The following SERPINB12 variants were observed in gnomAD, a reference collection of about 807,000 sequenced individuals.
SERPINB12 encodes the protein serpin B12.
SERPINB12 carries 57 observed loss-of-function variants against 41.1 expected under a neutral mutation model. The ratio of observed to expected loss-of-function variants is 1.39; its 90% CI spans 1.12 to 1.73. The LOEUF (loss-of-function observed/expected upper bound fraction) is 1.73, where lower values mean the gene tolerates loss of function less well. Among genes scored for constraint, SERPINB12 ranks in the 40% most tolerant of loss-of-function variants. The probability of loss-of-function intolerance (pLI) is 0.00; values close to 1 mark genes in which losing one functional copy is unlikely to be tolerated. For missense variants in SERPINB12, 536 were observed against 501.9 expected, an observed-to-expected ratio of 1.07 and a Z score of -0.65; for synonymous variants, 180 against 181.3, an observed-to-expected ratio of 0.99 and a Z score of 0.06.
rs769523819 is a variant in SERPINB12, at chr18:63,568,839, C to T, written c.*1828C>T. On this transcript the variant is annotated 3_prime_UTR_variant, in exon 8 of 8. Coordinates refer to ENST00000382768, the MANE Select transcript of SERPINB12 (RefSeq NM_001307928.2). ...TGCTCTGAGAGACAAGTTCCATGTT[C>T]TCCATACAACCTTCTCATTGTTGAA... 4.6e-5 allele frequency among the ~76,000 whole-genome samples: 7 copies of T among 152,222 alleles called. No individual in the cohort carries two copies. Among genetic ancestry groups the T allele is most frequent in the Non-Finnish European group, 1.0e-4 (7 of 68,040 alleles).
chr18:63,523,890 G>C, the SERPINB12 span, among the ~76,000 whole-genome samples: 1 of 152,200 alleles, frequency 6.6e-6, no homozygotes, highest in Non-Finnish European at 1.5e-5. Flanking sequence ...ATCACAAGCT[G>C]TGGATACAAC....
chr18:63,530,074 A>C, the SERPINB12 span, among the ~76,000 whole-genome samples: 2 of 152,122 alleles, frequency 1.3e-5, no homozygotes, highest in Non-Finnish European at 2.9e-5. Context: ...TCCCTGTTCA[A>C]ACACAGGCAC....
the SERPINB12 span, among the ~76,000 whole-genome samples, chr18:63,519,941 G>C: frequency 6.6e-6 from 1 of 152,094 alleles, no homozygotes; most frequent in African/African-American, 2.4e-5. Context: ...AGCCCCGTGG[G>C]GCTGGCTCAT....
At chr18:63,519,937 G>T in the SERPINB12 span, among the ~76,000 whole-genome samples, 1 of 152,122 alleles carries the variant, frequency 6.6e-6, no homozygotes, top group Admixed American at 6.6e-5. Context: ...ACTCAGCCCC[G>T]TGGGGCTGGC....
intron 4 of SERPINB12, among the ~76,000 whole-genome samples, chr18:63,560,312 T>A (rs1204645585): frequency 6.6e-6 from 1 of 152,182 alleles, no homozygotes; most frequent in African/African-American, 2.4e-5. Flanking sequence ...GAAGGAGCCA[T>A]GTGCTAAATA....
At chr18:63,552,045 A>G (rs1260926859) in intron 1 of SERPINB12, among the ~76,000 whole-genome samples, 2 of 152,192 alleles carry the variant, frequency 1.3e-5, no homozygotes, top group Non-Finnish European at 2.9e-5. Flanking sequence ...TGGGAGGTTT[A>G]TATAGTGGGG....
At chr18:63,527,929 G>A in the SERPINB12 span, among the ~76,000 whole-genome samples, 1 of 151,882 alleles carries the variant, frequency 6.6e-6, no homozygotes, top group African/African-American at 2.4e-5. Flanking sequence ...TTCCCGTGCT[G>A]TTCTCATGAT....
chr18:63,525,727 T>C, the SERPINB12 span, among the ~76,000 whole-genome samples: 7 of 152,194 alleles, frequency 4.6e-5, no homozygotes, highest in Non-Finnish European at 1.0e-4. Context: ...AGATTACTTA[T>C]GAAAACTGCA....
At chr18:63,535,035 A>G in the SERPINB12 span, among the ~76,000 whole-genome samples, 2 of 152,202 alleles carry the variant, frequency 1.3e-5, no homozygotes, top group African/African-American at 4.8e-5. Flanking sequence ...TAGACAAACT[A>G]TGCTCAGTCA....
rs777575587 is a variant in SERPINB12, at chr18:63,566,859, G to A, written c.1126G>A (p.Gly376Ser). 1.9e-5 allele frequency: 31 copies of A among 1,613,972 alleles called. No individual in the cohort carries two copies. The highest frequency in any genetic ancestry group is 1.3e-4 in the East Asian group (6 of 44,902). ...HKTFVEVDENGTQAAAATGAV... is the reference protein window; with the variant it reads ...HKTFVEVDENSTQAAAATGAV... ...AACCTTTGTGGAGGTGGATGAAAAC[G>A]GTACCCAGGCAGCTGCAGCCACTGG... Residue 376 changes from glycine to serine, a missense_variant, in exon 8 of 8, where the codon GGT becomes AGT. Gly to Ser is a moderately conservative substitution (Grantham distance 56). Coordinates refer to ENST00000382768, the MANE Select transcript of SERPINB12 (RefSeq NM_001307928.2).
chr18:63,556,730 G>T (rs1397414341), intron 2 of SERPINB12, among the ~76,000 whole-genome samples: 1 of 152,132 alleles, frequency 6.6e-6, no homozygotes, highest in Non-Finnish European at 1.5e-5. Flanking sequence ...ACCATATATG[G>T]TTCCAGTGGC....
intron 5 of SERPINB12, among the ~76,000 whole-genome samples, chr18:63,563,619 AGGCAC>A (rs759247631): frequency 5.3e-5 from 8 of 152,174 alleles, no homozygotes; most frequent in Non-Finnish European, 1.0e-4. Flanking sequence ...ATTATTGGCC[AGGCAC>A]GGTGGCTCAT....
chr18:63,561,718 A>AATGAAATC (rs1220851812), intron 5 of SERPINB12, among the ~76,000 whole-genome samples: 5 of 152,232 alleles, frequency 3.3e-5, no homozygotes, highest in African/African-American at 1.2e-4. Context: ...CATCAAAAAG[A>AATGAAATC]ATGAAATCAT....
At chr18:63,566,147 G>A (rs1911091066) in intron 7 of SERPINB12, among the ~76,000 whole-genome samples, 2 of 152,242 alleles carry the variant, frequency 1.3e-5, no homozygotes, top group South Asian at 4.2e-4. Context: ...AGTGAGAAAG[G>A]AATACCAATA....
chr18:63,551,790 C>T (rs537623085), intron 1 of SERPINB12, among the ~76,000 whole-genome samples: 16 of 152,270 alleles, frequency 1.1e-4, no homozygotes, highest in African/African-American at 3.4e-4. Flanking sequence ...CTATTTCTTG[C>T]TAAAGTGGTC....
At chr18:63,565,423 C>T (rs780715263) in intron 6 of SERPINB12, 22 bp from the exon 7 acceptor site, 6 of 1,604,894 alleles carry the variant, frequency 3.7e-6, no homozygotes. Flanking sequence ...CGTCCTGTGA[C>T]CTCCTACCTT....
Position 63,565,377 on chromosome 18 carries a change from A to G in SERPINB12, c.706-68A>G, listed in dbSNP as rs1004090792. The G allele has an allele frequency of 2.8e-6, 4 of 1,448,814 alleles. No homozygotes were observed. The African/African-American group carries it at 5.7e-5, about 21-fold the overall frequency. The allele number at this position is 1,448,814 out of a possible 1,614,324, so 89.7% of individuals were successfully genotyped here. On this transcript the variant is annotated intron_variant, in intron 6 of 7. Coordinates refer to ENST00000382768, the MANE Select transcript of SERPINB12 (RefSeq NM_001307928.2). The stretch of plus-strand genomic sequence containing the variant: ...CTTTAGGAACCCCTGTCCTCCGTGA[A>G]GCTGGGGCCATATGAATTTGGGAGT...
chr18:63,528,031 C>G, the SERPINB12 span, among the ~76,000 whole-genome samples: 1 of 152,070 alleles, frequency 6.6e-6, no homozygotes, highest in Admixed American at 6.6e-5. Flanking sequence ...TAAGACGTGA[C>G]TTGCTTCTTC....
At chr18:63,544,046 C>A (rs1910330731) in intron 1 of SERPINB12, among the ~76,000 whole-genome samples, 1 of 152,172 alleles carries the variant, frequency 6.6e-6, no homozygotes, top group Non-Finnish European at 1.5e-5. Context: ...GGTATTTCAT[C>A]ATTTAAAGCA....
Sources: gnomAD v4.1 joint callset for allele counts (sites outside exome capture counted in the v4.1 genomes callset) on GRCh38, gnomAD v4.1.1 for gene constraint, MANE v1.5 for transcripts, NCBI Gene and HGNC (gene_info 2026-07-23, HGNC 2026-07-21) for gene names.